Variants in CALN1 observed in about 807,000 individuals in gnomAD.
CALN1 encodes the protein calcium-binding protein 8.
In CALN1, 17 loss-of-function variants were observed where a neutral mutation model predicts 30.6. The ratio of observed to expected loss-of-function variants is 0.56; its 90% CI spans 0.38 to 0.83. The LOEUF (loss-of-function observed/expected upper bound fraction) is 0.83, where lower values mean the gene tolerates loss of function less well. Among genes scored for constraint, CALN1 ranks in the 40% least tolerant of loss-of-function variants. The pLI is 0.00. For synonymous variants in CALN1, 156 were observed against 131.4 expected (o/e 1.19, Z -1.28); for missense variants, 291 against 354.9 (o/e 0.82, Z 1.45).
At chr7:72,346,427 T>C (rs1287596575) in intron 2 of CALN1, among the ~76,000 whole-genome samples, 2 of 152,166 alleles carry the variant, frequency 1.3e-5, no homozygotes, top group Non-Finnish European at 2.9e-5. Flanking sequence ...TGTAATACTC[T>C]TACTTGTTTC....
the CALN1 span, among the ~76,000 whole-genome samples, chr7:72,504,021 G>A: frequency 6.6e-6 from 1 of 152,146 alleles, no homozygotes; most frequent in Non-Finnish European, 1.5e-5. Context: ...AAGGGAGAGA[G>A]AGGAAAATAA....
chr7:72,160,895 T>C (rs1788062249), intron 3 of CALN1, among the ~76,000 whole-genome samples: 1 of 152,174 alleles, frequency 6.6e-6, no homozygotes, highest in South Asian at 2.1e-4. Flanking sequence ...CTTCCTTCCA[T>C]ACCGGATAGA....
chr7:72,274,624 A>AT (rs1797220372), intron 3 of CALN1, among the ~76,000 whole-genome samples: 1 of 152,222 alleles, frequency 6.6e-6, no homozygotes, highest in South Asian at 2.1e-4. Context: ...CTCTAAAAGT[A>AT]TAAGATATTG....
intron 1 of CALN1, among the ~76,000 whole-genome samples, chr7:72,445,820 G>T (rs1478898309): frequency 1.3e-5 from 2 of 152,134 alleles, no homozygotes; most frequent in Non-Finnish European, 2.9e-5. Flanking sequence ...CTGCAAACGC[G>T]GTAACTACCG....
chr7:71,915,746 A>G (rs1475642923), intron 5 of CALN1, among the ~76,000 whole-genome samples: 1 of 115,868 alleles, frequency 8.6e-6, no homozygotes, highest in Non-Finnish European at 1.9e-5. Context: ...ACAAAAACCA[A>G]CCAAACAAAA....
intron 2 of CALN1, 76 bp from the exon 3 acceptor site, chr7:72,278,886 T>C (rs1010994296): frequency 2.6e-6 from 4 of 1,546,476 alleles, no homozygotes; most frequent in Non-Finnish European, 3.5e-6. Flanking sequence ...TAAAGGACCA[T>C]CTGATTTTCA....
chr7:72,454,862 G>A, the CALN1 span, among the ~76,000 whole-genome samples: 18 of 148,824 alleles, frequency 1.2e-4, no homozygotes, highest in East Asian at 3.9e-4. Flanking sequence ...ATGGAGTTTC[G>A]CTCTTATTGC....
chr7:72,344,888 C>G (rs1562908784), intron 2 of CALN1, among the ~76,000 whole-genome samples: 1 of 146,100 alleles, frequency 6.8e-6, no homozygotes, highest in Non-Finnish European at 1.5e-5. Context: ...ATATAAATAG[C>G]ATATATTTAT....
rs548190506 is a variant in CALN1, at chr7:71,889,578, A to T, written c.502-79086T>A. On this transcript the variant is annotated intron_variant, in intron 5 of 6. Coordinates refer to ENST00000395275, the MANE Select transcript of CALN1 (RefSeq NM_031468.4). ...CGCCTCCAAATCATGACCTTGAAGG[A>T]GGTTAGGGTCTCAACCTATGAATAA... Among the ~76,000 whole-genome samples the T allele has an allele frequency of 2.0e-5, 3 of 152,216 alleles. No homozygotes were observed. In the South Asian group the frequency reaches 6.2e-4, roughly 32 times the overall value.
At position 71,785,056 on chromosome 7, in the gene CALN1, G is replaced by T; in HGVS notation, c.*2719C>A. 1.3e-5 allele frequency: 5 copies of T among 393,822 alleles called. No individual in the cohort carries two copies. Among genetic ancestry groups the T allele is most frequent in the Non-Finnish European group, 2.2e-5 (5 of 223,688 alleles). The allele number at this position is 393,822 out of a possible 1,614,324, so 24.4% of individuals were successfully genotyped here. A position where few individuals can be genotyped will look rare whatever the true frequency, so the allele number is the denominator to read the frequency against. On this transcript the variant is annotated 3_prime_UTR_variant, in exon 7 of 7. Coordinates refer to ENST00000395275, the MANE Select transcript of CALN1 (RefSeq NM_031468.4). The stretch of plus-strand genomic sequence containing the variant: ...GAGCTCCTGAAGTCTAAGGAATGCC[G>T]CTAGCTCAGGGCCGTCTCCACGCAC...
intron 6 of CALN1, among the ~76,000 whole-genome samples, chr7:71,793,487 C>A (rs1182057562): frequency 1.3e-5 from 2 of 152,142 alleles, no homozygotes; most frequent in African/African-American, 4.8e-5. Context: ...GGAGCCAGAC[C>A]AAAATGTGGA....
intron 4 of CALN1, among the ~76,000 whole-genome samples, chr7:72,054,502 T>TATATATACAC (rs1803100872): frequency 2.3e-5 from 3 of 131,520 alleles, no homozygotes; most frequent in Admixed American, 7.7e-5. Flanking sequence ...CATATATACA[T>TATATATACAC]ATATATACAT....
chr7:72,410,354 AAAG>A (rs907693068), intron 1 of CALN1, among the ~76,000 whole-genome samples: 33 of 152,362 alleles, frequency 2.2e-4, no homozygotes, highest in African/African-American at 7.5e-4. Context: ...AAAGCACAAA[AAAG>A]AAATCTAAAA....
At chr7:72,366,214 C>G (rs1803869623) in intron 2 of CALN1, among the ~76,000 whole-genome samples, 1 of 151,856 alleles carries the variant, frequency 6.6e-6, no homozygotes. Context: ...CACTCTTTCA[C>G]CCAGGCTGGA....
intron 2 of CALN1, among the ~76,000 whole-genome samples, chr7:72,386,208 G>C (rs1282034513): frequency 6.6e-6 from 1 of 152,032 alleles, no homozygotes; most frequent in Non-Finnish European, 1.5e-5. Context: ...ATCGAACTTT[G>C]GCACAAAGAA....
At chr7:71,999,917 T>C (rs551139896) in intron 5 of CALN1, among the ~76,000 whole-genome samples, 1 of 151,762 alleles carries the variant, frequency 6.6e-6, no homozygotes, top group Non-Finnish European at 1.5e-5. Context: ...ACACAGAATA[T>C]GTTACCTGGC....
the CALN1 span, among the ~76,000 whole-genome samples, chr7:72,477,211 C>CAAAAAAA: frequency 5.6e-4 from 82 of 147,272 alleles, 1 homozygote; most frequent in African/African-American, 2.0e-3. Context: ...ACTGTCTCAA[C>CAAAAAAA]AAAAAAAGAA....
At chr7:71,923,716 G>A (rs16869862) in intron 5 of CALN1, among the ~76,000 whole-genome samples, 35,985 of 151,970 alleles carry the variant, frequency 0.24, 4,600 homozygotes, top group African/African-American at 0.31. Context: ...GTCAGAAAGT[G>A]CCCTCCTAAG....
chr7:71,924,142 G>A (rs564829723), intron 5 of CALN1, among the ~76,000 whole-genome samples: 3 of 137,530 alleles, frequency 2.2e-5, no homozygotes, highest in East Asian at 2.1e-4. Context: ...GCAGTGAGCC[G>A]AAATTGCGCC....
Sources: allele counts gnomAD v4.1 joint callset (sites outside exome capture counted in the v4.1 genomes callset), GRCh38; gene constraint gnomAD v4.1.1; transcripts MANE v1.5; gene names NCBI Gene and HGNC (gene_info 2026-07-23, HGNC 2026-07-21).